The following DIAPH3 variants were observed in gnomAD, a reference collection of about 807,000 sequenced individuals.
The protein encoded by DIAPH3 is diaphanous related formin 3.
DIAPH3 carries 117 observed loss-of-function variants against 144.3 expected under a neutral mutation model. That is an observed-to-expected ratio of 0.81 (90% CI 0.70 to 0.95). DIAPH3 has a LOEUF of 0.95. Ranked by LOEUF, DIAPH3 falls within the 40% of genes least tolerant of loss-of-function variation. The pLI is 0.00. For missense variants in DIAPH3, 1,421 were observed against 1,412.7 expected, an observed-to-expected ratio of 1.01 and a Z score of -0.09; for synonymous variants, 519 against 488.9, an observed-to-expected ratio of 1.06 and a Z score of -0.81.
chr13:59,739,139 G>A (rs928965816), intron 27 of DIAPH3, among the ~76,000 whole-genome samples: 2 of 152,152 alleles, frequency 1.3e-5, no homozygotes, highest in Admixed American at 6.6e-5. Context: ...ATTAACAACT[G>A]TTAGTAGAGG....
chr13:60,141,078 G>A (rs943367565), intron 1 of DIAPH3, among the ~76,000 whole-genome samples: 10 of 152,042 alleles, frequency 6.6e-5, no homozygotes, highest in Non-Finnish European at 1.3e-4. Flanking sequence ...AATTTCTGTG[G>A]CAACAATAAT....
chr13:59,669,705 T>G (rs1182382465), intron 27 of DIAPH3, among the ~76,000 whole-genome samples: 1 of 152,190 alleles, frequency 6.6e-6, no homozygotes, highest in Non-Finnish European at 1.5e-5. Flanking sequence ...GAGGCTCTAA[T>G]AATCATAAAT....
chr13:59,920,864 T>C (rs1179745064), intron 18 of DIAPH3, among the ~76,000 whole-genome samples: 1 of 151,822 alleles, frequency 6.6e-6, no homozygotes, highest in Non-Finnish European at 1.5e-5. Flanking sequence ...CTTAACAAAT[T>C]TAAGGAGACT....
At chr13:59,861,157 C>T in intron 22 of DIAPH3, 1 of 1,271,170 alleles carries the variant, frequency 7.9e-7, no homozygotes, top group Non-Finnish European at 1.0e-6. Flanking sequence ...TAGCAGGTAT[C>T]TACAAGGTTT....
At chr13:60,015,471 C>G (rs1394142336) in intron 7 of DIAPH3, among the ~76,000 whole-genome samples, 3 of 151,992 alleles carry the variant, frequency 2.0e-5, no homozygotes, top group Non-Finnish European at 4.4e-5. Flanking sequence ...TAACTTGAAC[C>G]TTTGGTAATA....
At chr13:59,763,768 T>C (rs1191399408) in intron 27 of DIAPH3, among the ~76,000 whole-genome samples, 2 of 152,208 alleles carry the variant, frequency 1.3e-5, no homozygotes, top group Non-Finnish European at 2.9e-5. Flanking sequence ...ATATTTTCTC[T>C]TTTTATTAAG....
At chr13:59,819,108 A>G (rs1283537627) in intron 24 of DIAPH3, among the ~76,000 whole-genome samples, 1 of 151,836 alleles carries the variant, frequency 6.6e-6, no homozygotes, top group East Asian at 1.9e-4. Flanking sequence ...TTAATTTGTG[A>G]GAATCTTGAG....
chr13:59,904,255 C>A (rs183482459), intron 20 of DIAPH3, among the ~76,000 whole-genome samples: 1 of 152,040 alleles, frequency 6.6e-6, no homozygotes, highest in Admixed American at 6.6e-5. Flanking sequence ...AGACGTAATG[C>A]TGGGTGGGAA....
chr13:59,927,553 C>A (rs571513228), intron 17 of DIAPH3, among the ~76,000 whole-genome samples: 2 of 152,280 alleles, frequency 1.3e-5, no homozygotes, highest in South Asian at 4.1e-4. Context: ...AGATATATGA[C>A]TCCCTTAAGC....
chr13:59,844,521 AAAAAC>A (rs1284150359), intron 22 of DIAPH3, among the ~76,000 whole-genome samples: 2 of 151,534 alleles, frequency 1.3e-5, no homozygotes, highest in East Asian at 1.9e-4. Context: ...AAAAAAAGGA[AAAAAC>A]AAAACAAAAC....
At chr13:60,116,213 G>A (rs964594249) in intron 2 of DIAPH3, among the ~76,000 whole-genome samples, 1 of 152,024 alleles carries the variant, frequency 6.6e-6, no homozygotes, top group African/African-American at 2.4e-5. Flanking sequence ...ATTATCAAGT[G>A]GAAGAGACAA....
intron 9 of DIAPH3, among the ~76,000 whole-genome samples, chr13:60,007,935 AC>A (rs2052984791): frequency 6.6e-6 from 1 of 152,208 alleles, no homozygotes; most frequent in Non-Finnish European, 1.5e-5. Context: ...AATTTAAGAG[AC>A]TAACATAGAA....
chr13:60,085,663 G>C (rs932855098), intron 4 of DIAPH3, among the ~76,000 whole-genome samples: 27 of 152,026 alleles, frequency 1.8e-4, no homozygotes. Context: ...TAGCCCCTTT[G>C]TTCACTGAAA....
chr13:59,841,631 G>A (rs1222496134), intron 22 of DIAPH3, among the ~76,000 whole-genome samples: 1 of 152,080 alleles, frequency 6.6e-6, no homozygotes, highest in African/African-American at 2.4e-5. Flanking sequence ...ATGTTTATAA[G>A]CCATACATCT....
chr13:60,066,549 A>G (rs1344217078), intron 4 of DIAPH3, among the ~76,000 whole-genome samples: 1 of 152,248 alleles, frequency 6.6e-6, no homozygotes, highest in African/African-American at 2.4e-5. Flanking sequence ...AATGCAAAGG[A>G]GAAAGTGAAT....
intron 25 of DIAPH3, among the ~76,000 whole-genome samples, chr13:59,789,868 G>T (rs994405637): frequency 6.6e-6 from 1 of 152,190 alleles, no homozygotes; most frequent in African/African-American, 2.4e-5. Flanking sequence ...AAGCCTGGGT[G>T]ACTGGGAAAA....
intron 7 of DIAPH3, among the ~76,000 whole-genome samples, chr13:60,014,469 G>C (rs2053493363): frequency 6.6e-6 from 1 of 151,866 alleles, no homozygotes; most frequent in African/African-American, 2.4e-5. Flanking sequence ...AGGCAAGGAA[G>C]AAAAAATATT....
intron 4 of DIAPH3, among the ~76,000 whole-genome samples, chr13:60,045,446 C>T (rs748126830): frequency 6.6e-6 from 1 of 152,124 alleles, no homozygotes; most frequent in Non-Finnish European, 1.5e-5. Context: ...TTTAAAACAT[C>T]GTTTGATACC....
At chr13:60,025,404 C>CAAAAAAAA (rs370177105) in intron 5 of DIAPH3, among the ~76,000 whole-genome samples, 5 of 68,114 alleles carry the variant, frequency 7.3e-5, no homozygotes, top group Admixed American at 1.9e-4. Context: ...TTGTGCTTAG[C>CAAAAAAAA]AAAAAAAAAA....
Sources: allele counts gnomAD v4.1 joint callset (sites outside exome capture counted in the v4.1 genomes callset), GRCh38; gene constraint gnomAD v4.1.1; transcripts MANE v1.5; gene names NCBI Gene and HGNC (gene_info 2026-07-23, HGNC 2026-07-21).